SERF2: variants seen among roughly 807,000 people sequenced by gnomAD.
SERF2 encodes the protein gastric cancer-related protein VRG107.
In SERF2, 4 loss-of-function variants were observed where a neutral mutation model predicts 10.7. The observed-to-expected ratio is 0.37, with a 90% CI of 0.18 to 0.86. The LOEUF is 0.86. Among genes scored for constraint, SERF2 ranks in the 40% least tolerant of loss-of-function variants. The pLI, the probability that SERF2 is intolerant of heterozygous loss-of-function variation, is 0.43. For synonymous variants in SERF2, 26 were observed against 26.0 expected, an observed-to-expected ratio of 1.00 and a Z score of 0.01; for missense variants, 47 against 79.1, an observed-to-expected ratio of 0.59 and a Z score of 1.54.
chr15:43,793,586 C>T, intron 2 of SERF2, 124 bp from the exon 3 acceptor site: 4 of 1,573,758 alleles, frequency 2.5e-6, no homozygotes, highest in Non-Finnish European at 3.5e-6. Flanking sequence ...GGTGGGAGTA[C>T]AGCAGCCAAA....
upstream of SERF2, among the ~76,000 whole-genome samples, chr15:43,790,636 G>A (rs2087047883): frequency 6.6e-6 from 1 of 152,060 alleles, no homozygotes; most frequent in Admixed American, 6.5e-5. Flanking sequence ...GGGCATGATG[G>A]CGGGTGCCTG....
At chr15:43,792,149 C>T (rs2087072947), upstream of SERF2, 1 of 599,290 alleles carries the variant, frequency 1.7e-6, no homozygotes, top group African/African-American at 1.9e-5. Context: ...GGAAGCCCCG[C>T]CCCACGCTGA....
chr15:43,777,580 AG>A (rs2086930686), intron 1 of SERF2: 1 of 177,214 alleles, frequency 5.6e-6, no homozygotes, highest in Admixed American at 5.6e-5. Flanking sequence ...GTTGGTGGGC[AG>A]GGATACGGGC....
rs562892392 is a variant in SERF2, at chr15:43,795,598, C to A, written c.*1825C>A. The A allele has an allele frequency of 6.2e-7, 1 of 1,611,318 alleles. No homozygotes were observed. The highest frequency in any genetic ancestry group is 1.3e-5 in the African/African-American group (1 of 74,970). ...GCTGCTGAAACACCTCTTCCCCTCT[C>A]CCCCAACTACCTTTGTTAAGGCTCT... On this transcript the variant is annotated 3_prime_UTR_variant, in exon 3 of 3. Transcript: ENST00000249786.
upstream of SERF2, among the ~76,000 whole-genome samples, chr15:43,789,271 T>C (rs931012789): frequency 3.9e-5 from 6 of 152,136 alleles, no homozygotes; most frequent in Non-Finnish European, 7.3e-5. Flanking sequence ...CTATCTGACC[T>C]AGTTTCACAC....
At chr15:43,783,641 C>T (rs2086982036) in intron 1 of SERF2, among the ~76,000 whole-genome samples, 1 of 151,884 alleles carries the variant, frequency 6.6e-6, no homozygotes, top group Non-Finnish European at 1.5e-5. Flanking sequence ...GCCCTGTTGC[C>T]CAGGCTGGAG....
chr15:43,783,586 G>A (rs1380260731), intron 1 of SERF2, among the ~76,000 whole-genome samples: 2 of 151,612 alleles, frequency 1.3e-5, no homozygotes, highest in African/African-American at 2.4e-5. Flanking sequence ...ACAGGCATGA[G>A]CCACCAAGCC....
intron 1 of SERF2, among the ~76,000 whole-genome samples, chr15:43,782,684 GT>G (rs1334533410): frequency 6.6e-6 from 1 of 152,032 alleles, no homozygotes; most frequent in African/African-American, 2.4e-5. Context: ...CTTACCTCCT[GT>G]GTCAGATACA....
chr15:43,778,604 A>G (rs2086941436), intron 1 of SERF2, among the ~76,000 whole-genome samples: 1 of 140,018 alleles, frequency 7.1e-6, no homozygotes, highest in Middle Eastern at 3.7e-3. Flanking sequence ...AAAAAAAAAA[A>G]AAAAAAAAAA....
rs2087162645 is a variant in SERF2, at chr15:43,794,774, G to C, written c.*1001G>C. 2.0e-6 allele frequency: 1 copy of C among 505,766 alleles called. No individual in the cohort carries two copies. Among genetic ancestry groups the C allele is most frequent in the South Asian group, 3.0e-5 (1 of 33,410 alleles). The allele number at this position is 505,766 out of a possible 1,614,324, so 31.3% of individuals were successfully genotyped here. A position where few individuals can be genotyped will look rare whatever the true frequency, so the allele number is the denominator to read the frequency against. On this transcript the variant is annotated 3_prime_UTR_variant, in exon 3 of 3. Coordinates refer to ENST00000249786, the MANE Select transcript of SERF2 (RefSeq NM_001018108.4). ...CTTTGAGCTGCTGATTTGGGTGTTA[G>C]GCTCTTGAGCTGGGATGCAGATGTA...
chr15:43,792,341 A>G lies in SERF2; in HGVS notation c.-36A>G. On this transcript the variant is annotated 5_prime_UTR_variant, in exon 1 of 3. Coordinates refer to ENST00000249786, the MANE Select transcript of SERF2 (RefSeq NM_001018108.4). Reference sequence around the variant, plus strand: ...CTGCAACGTCCGACAGAACGAGGGGACGTAACGGAGGCAGGTTGGAGCCGC... The same window carrying G: ...CTGCAACGTCCGACAGAACGAGGGGGCGTAACGGAGGCAGGTTGGAGCCGC... The G allele has an allele frequency of 6.5e-7, 1 of 1,534,428 alleles. No individual in the cohort carries two copies. Among genetic ancestry groups the G allele is most frequent in the Non-Finnish European group, 9.0e-7 (1 of 1,107,508 alleles).
At position 43,795,837 on chromosome 15, in the gene SERF2, GGA is replaced by G; in HGVS notation, c.*2066_*2067del. ...AAAGATTGGTCTAGTATTAAAAAGT[GGA>G]GGCACACCTGGGTTCAAATTCTAGC... On this transcript the variant is annotated 3_prime_UTR_variant, in exon 3 of 3. Coordinates refer to ENST00000249786, the MANE Select transcript of SERF2 (RefSeq NM_001018108.4). 1 of 1,232,736 alleles carries G rather than the reference GGA, an allele frequency of 8.1e-7. No homozygotes were observed. The highest frequency in any genetic ancestry group is 1.1e-6 in the Non-Finnish European group (1 of 880,910). 76.4% of individuals were successfully genotyped at this position (1,232,736 alleles called of 1,614,324 possible).
chr15:43,780,067 G>A (rs1383147077), intron 1 of SERF2, among the ~76,000 whole-genome samples: 1 of 152,052 alleles, frequency 6.6e-6, no homozygotes, highest in East Asian at 1.9e-4. Context: ...TTAATATTTT[G>A]ATAATTATAT....
At chr15:43,789,863 G>A (rs1275344448), upstream of SERF2, among the ~76,000 whole-genome samples, 1 of 151,952 alleles carries the variant, frequency 6.6e-6, no homozygotes, top group East Asian at 1.9e-4. Context: ...AATACAGTCC[G>A]AGCACAGTGG....
At chr15:43,784,847 G>C (rs2086992884) in intron 1 of SERF2, among the ~76,000 whole-genome samples, 1 of 151,706 alleles carries the variant, frequency 6.6e-6, no homozygotes, top group African/African-American at 2.4e-5. Context: ...CCACCTACCG[G>C]GTTCAAGTGA....
chr15:43,793,960 C>G lies in SERF2; in HGVS notation c.*187C>G. ...AGGTAGCCTCTCTCCCCCTGGGCCA[C>G]TCCCGGGGGTGAGGGGGTTACCCCT... On this transcript the variant is annotated 3_prime_UTR_variant, in exon 3 of 3. Coordinates refer to ENST00000249786, the MANE Select transcript of SERF2 (RefSeq NM_001018108.4). 4 of 1,543,398 alleles carry G rather than the reference C, an allele frequency of 2.6e-6. No homozygotes were observed. Among genetic ancestry groups the G allele is most frequent in the Non-Finnish European group, 3.5e-6 (4 of 1,143,462 alleles).
At chr15:43,787,522 C>T (rs966332448), upstream of SERF2, among the ~76,000 whole-genome samples, 3 of 152,138 alleles carry the variant, frequency 2.0e-5, no homozygotes, top group African/African-American at 4.8e-5. Context: ...CTCAGACTCC[C>T]GAGTATCTGG....
At chr15:43,787,184 A>T (rs2087014846) in intron 2 of SERF2, among the ~76,000 whole-genome samples, 1 of 151,950 alleles carries the variant, frequency 6.6e-6, no homozygotes, top group Non-Finnish European at 1.5e-5. Flanking sequence ...TATTTTTAGT[A>T]GAGACGGGGT....
chr15:43,792,824 A>T, intron 1 of SERF2, 151 bp from the exon 2 acceptor site: 3 of 692,064 alleles, frequency 4.3e-6, no homozygotes. Flanking sequence ...ACTCCCCCCT[A>T]CCCCAAGCAG....
Sources: allele counts gnomAD v4.1 joint callset (sites outside exome capture counted in the v4.1 genomes callset), GRCh38; gene constraint gnomAD v4.1.1; transcripts MANE v1.5; gene names NCBI Gene and HGNC (gene_info 2026-07-23, HGNC 2026-07-21).